PRKCB: variants seen among roughly 807,000 people sequenced by gnomAD.
The protein encoded by PRKCB is protein kinase C beta type.
Under a neutral mutation model 81.5 loss-of-function variants are expected in PRKCB, and 13 were observed. That is an observed-to-expected ratio of 0.16 (90% CI 0.10 to 0.25). The LOEUF (loss-of-function observed/expected upper bound fraction) is 0.25, where lower values mean the gene tolerates loss of function less well. PRKCB is among the 10% of genes least tolerant of loss of function. PRKCB has a pLI of 1.00. For missense variants in PRKCB, 509 were observed against 875.7 expected (o/e 0.58, Z 5.29); for synonymous variants, 335 against 321.4 (o/e 1.04, Z -0.45).
chr16:23,906,903 G>A (rs1036803474), intron 2 of PRKCB, among the ~76,000 whole-genome samples: 5 of 152,148 alleles, frequency 3.3e-5, no homozygotes, highest in African/African-American at 1.2e-4. Context: ...GCTGACTAGA[G>A]GCAAAGATCC....
At chr16:23,860,251 C>T (rs769417982) in intron 2 of PRKCB, among the ~76,000 whole-genome samples, 9 of 152,086 alleles carry the variant, frequency 5.9e-5, no homozygotes, top group Non-Finnish European at 1.3e-4. Context: ...AAAAAAAGTA[C>T]TATAAATGTT....
intron 2 of PRKCB, among the ~76,000 whole-genome samples, chr16:23,910,029 G>A (rs562883116): frequency 1.3e-5 from 2 of 152,186 alleles, no homozygotes; most frequent in African/African-American, 4.8e-5. Flanking sequence ...AAGCAGTGCC[G>A]CCATGGGGAA....
intron 2 of PRKCB, among the ~76,000 whole-genome samples, chr16:23,952,371 T>C (rs1465763848): frequency 6.6e-6 from 1 of 152,202 alleles, no homozygotes; most frequent in Non-Finnish European, 1.5e-5. Context: ...CAGTTAAAAC[T>C]CTTAGTGCTG....
chr16:23,846,170 T>C (rs2141078013), intron 2 of PRKCB, among the ~76,000 whole-genome samples: 1 of 152,364 alleles, frequency 6.6e-6, no homozygotes, highest in Non-Finnish European at 1.5e-5. Context: ...TTGTCAAGTC[T>C]GTCTTTCTGA....
intron 3 of PRKCB, among the ~76,000 whole-genome samples, chr16:24,006,444 A>G (rs544379776): frequency 6.6e-6 from 1 of 152,338 alleles, no homozygotes; most frequent in South Asian, 2.1e-4. Context: ...AGGATAGTAA[A>G]GCTCAATTGC....
chr16:24,139,613 G>A (rs1966880684), intron 9 of PRKCB, among the ~76,000 whole-genome samples: 1 of 152,116 alleles, frequency 6.6e-6, no homozygotes, highest in South Asian at 2.1e-4. Context: ...CTCAGCTAGT[G>A]GGCAAAAATG....
chr16:24,077,627 C>A (rs1966196781), intron 5 of PRKCB, among the ~76,000 whole-genome samples: 1 of 152,176 alleles, frequency 6.6e-6, no homozygotes, highest in South Asian at 2.1e-4. Context: ...ATAAATGTAT[C>A]CAGCACTCTC....
intron 2 of PRKCB, among the ~76,000 whole-genome samples, chr16:23,861,222 G>A (rs1018905802): frequency 6.6e-6 from 1 of 151,478 alleles, no homozygotes; most frequent in Non-Finnish European, 1.5e-5. Flanking sequence ...AGGCTGGAGT[G>A]CAGTGGCACA....
intron 5 of PRKCB, among the ~76,000 whole-genome samples, chr16:24,053,794 C>T (rs1399766588): frequency 6.6e-6 from 1 of 152,044 alleles, no homozygotes; most frequent in Admixed American, 6.6e-5. Flanking sequence ...GAAGAAACAG[C>T]AAGGAGGCTC....
chr16:24,131,010 A>C (rs1459636856), intron 9 of PRKCB, among the ~76,000 whole-genome samples: 1 of 152,182 alleles, frequency 6.6e-6, no homozygotes, highest in African/African-American at 2.4e-5. Context: ...CCACACACAA[A>C]AAACTTCAAG....
In PRKCB at chr16:24,154,832, A is replaced by G; in HGVS notation, c.1214A>G (p.Gln405Arg). ...ALPGKPPFLT[Q>R]LHSCFQTMDR... The stretch of plus-strand genomic sequence containing the variant: ...CCTGGGAAGCCGCCCTTCCTGACCC[A>G]GCTCCACTCCTGCTTCCAGACCATG... The change falls in exon 10 of 17, where the codon CAG becomes CGG. Residue 405 changes from glutamine (Q) to arginine (R), a missense_variant. By Grantham distance (43) the Gln-to-Arg change is conservative (BLOSUM62 1). Transcript: ENST00000643927. 1.2e-6 allele frequency: 2 copies of G among 1,614,010 alleles called. No individual in the cohort carries two copies. The highest frequency in any genetic ancestry group is 2.2e-5 in the South Asian group (2 of 91,034).
Position 24,191,138 on chromosome 16 carries a change from G to A in PRKCB, c.1771G>A (p.Glu591Lys), listed in dbSNP as rs774746011. The A allele has an allele frequency of 5.0e-6, 8 of 1,614,092 alleles. No homozygotes were observed. Among genetic ancestry groups the A allele is most frequent in the East Asian group, 4.5e-5 (2 of 44,888 alleles). Residue 591 changes from glutamate to lysine, a missense_variant, in exon 16 of 17, where the codon GAA (glutamate) becomes AAA (lysine). Physicochemically the swap from Glu to Lys is moderately conservative, Grantham distance 56 (BLOSUM62 1). Coordinates refer to ENST00000643927, the MANE Select transcript of PRKCB (RefSeq NM_002738.7). The stretch of plus-strand genomic sequence containing the variant: ...ACGTCTGGGTTGTGGACCTGAAGGC[G>A]AACGTGATATCAAAGAGCATGCATT... ...GKRLGCGPEG[E>K]RDIKEHAFFR...
At chr16:24,147,306 C>CAAAA (rs34855077) in intron 9 of PRKCB, among the ~76,000 whole-genome samples, 30,889 of 113,870 alleles carry the variant, frequency 0.27, 3,940 homozygotes, top group South Asian at 0.33. Flanking sequence ...GACTCTGTCT[C>CAAAA]AAAAAAAAAA....
At chr16:23,936,579 A>ATTTT (rs57643578) in intron 2 of PRKCB, among the ~76,000 whole-genome samples, 5 of 96,036 alleles carry the variant, frequency 5.2e-5, no homozygotes, top group Non-Finnish European at 7.7e-5. Context: ...CACCCAACTA[A>ATTTT]TTTTTTTTTT....
chr16:23,898,089 AGAG>A (rs1963409693), intron 2 of PRKCB, among the ~76,000 whole-genome samples: 2 of 138,446 alleles, frequency 1.4e-5, no homozygotes, highest in African/African-American at 5.3e-5. Context: ...TTTTTGAGAC[AGAG>A]TCTTGCTCTG....
chr16:24,025,076 G>A (rs2141849353), intron 3 of PRKCB, among the ~76,000 whole-genome samples: 2 of 152,304 alleles, frequency 1.3e-5, no homozygotes, highest in Middle Eastern at 3.4e-3. Flanking sequence ...CTCTCCAGCA[G>A]CCTCTAAATA....
At chr16:23,896,265 C>T (rs1053468503) in intron 2 of PRKCB, among the ~76,000 whole-genome samples, 7 of 152,146 alleles carry the variant, frequency 4.6e-5, no homozygotes, top group African/African-American at 1.7e-4. Context: ...AAAGATGTGA[C>T]TCTCAAACTT....
intron 15 of PRKCB, among the ~76,000 whole-genome samples, chr16:24,186,242 A>G (rs1967702484): frequency 6.6e-6 from 1 of 152,150 alleles, no homozygotes; most frequent in Non-Finnish European, 1.5e-5. Flanking sequence ...CTTCTGTGAG[A>G]TCCTAAAGAT....
At chr16:24,096,666 A>AAATAT (rs1406204037) in intron 7 of PRKCB, among the ~76,000 whole-genome samples, 18 of 32,684 alleles carry the variant, frequency 5.5e-4, no homozygotes, top group Middle Eastern at 0.019. Context: ...AAAAAAAAAA[A>AAATAT]ATATATATAT....
Sources: allele counts gnomAD v4.1 joint callset (sites outside exome capture counted in the v4.1 genomes callset), GRCh38; gene constraint gnomAD v4.1.1; transcripts MANE v1.5; gene names NCBI Gene and HGNC (gene_info 2026-07-23, HGNC 2026-07-21).